ENTPD5: variants seen among roughly 807,000 people sequenced by gnomAD.
ENTPD5 encodes nucleoside diphosphate phosphatase ENTPD5.
ENTPD5 carries 49 observed loss-of-function variants against 60.2 expected under a neutral mutation model. That is an observed-to-expected ratio of 0.81 (90% confidence interval 0.65 to 1.03). ENTPD5 has a LOEUF of 1.03. Among genes scored for constraint, ENTPD5 ranks in the 50% least tolerant of loss-of-function variants. The pLI is 0.00. For missense variants in ENTPD5, 480 were observed against 507.6 expected (o/e 0.95, Z 0.52); for synonymous variants, 187 against 185.4 (o/e 1.01, Z -0.07).
At chr14:73,957,550 ACCT>A (rs2056498366), downstream of ENTPD5, among the ~76,000 whole-genome samples, 1 of 151,786 alleles carries the variant, frequency 6.6e-6, no homozygotes, top group Admixed American at 6.6e-5. Context: ...CAATCCTCTC[ACCT>A]CAGCCTCCTG....
At chr14:73,955,675 T>C (rs1735305544), downstream of ENTPD5, 3 of 1,481,454 alleles carry the variant, frequency 2.0e-6, no homozygotes, top group South Asian at 1.1e-5. Context: ...CTTCTCATTT[T>C]ATATTTTCCT....
chr14:73,961,187 C>A (rs1431190544), downstream of ENTPD5: 2 of 1,613,778 alleles, frequency 1.2e-6, no homozygotes, highest in South Asian at 2.2e-5. Flanking sequence ...GTGATGCTGA[C>A]CACACGGACT....
At chr14:74,001,376 C>CCTATA (rs1239219597) in intron 3 of ENTPD5, among the ~76,000 whole-genome samples, 1 of 151,742 alleles carries the variant, frequency 6.6e-6, no homozygotes, top group Non-Finnish European at 1.5e-5. Flanking sequence ...ATGGCGGGTG[C>CCTATA]CTATAGTCCC....
At position 73,977,284 on chromosome 14, in the gene ENTPD5, C is replaced by A; in HGVS notation, c.517+15G>T. ...GCCCCTCTCCCCCTGGAACGCATAT[C>A]AACACCTCTCCCACCTTCGTCGGAT... On this transcript the variant is annotated intron_variant, in intron 7 of 15. Coordinates refer to ENST00000334696, the MANE Select transcript of ENTPD5 (RefSeq NM_001249.5). 1.2e-6 allele frequency: 2 copies of A among 1,602,286 alleles called. No individual in the cohort carries two copies. The highest frequency in any genetic ancestry group is 2.2e-5 in the South Asian group (2 of 90,180).
At chr14:73,969,938 G>T in intron 15 of ENTPD5, 72 bp downstream of exon 15, 2 of 1,075,304 alleles carry the variant, frequency 1.9e-6, no homozygotes, top group South Asian at 1.3e-5. Flanking sequence ...TCTGATTACT[G>T]AACAAGCTCT....
rs767911558 is a variant in ENTPD5, at chr14:73,965,590, G to A, written c.*1338C>T. On this transcript the variant is annotated 3_prime_UTR_variant, in exon 16 of 16. Transcript: ENST00000334696. ...ATACAAAAATTAGCCAGGAATGGTG[G>A]TGGGCACCTGTAATCCCAGCTCTTC... The A allele has an allele frequency of 6.6e-6, 1 of 152,212 alleles. No homozygotes were observed. The highest frequency in any genetic ancestry group is 2.4e-5 in the African/African-American group (1 of 41,420). The allele number at this position is 152,212 out of a possible 1,614,324, so 9.4% of individuals were successfully genotyped here.
At chr14:74,007,389 C>T (rs1377175921) in intron 3 of ENTPD5, among the ~76,000 whole-genome samples, 2 of 152,034 alleles carry the variant, frequency 1.3e-5, no homozygotes, top group African/African-American at 4.8e-5. Flanking sequence ...GGCATGCTGG[C>T]GCATGCCTGT....
Position 73,965,892 on chromosome 14 carries a change from G to A in ENTPD5, c.*1036C>T, listed in dbSNP as rs185940828. The A allele has an allele frequency of 1.3e-5, 2 of 152,354 alleles. No individual in the cohort carries two copies. The highest frequency in any genetic ancestry group is 1.3e-4 in the Admixed American group (2 of 15,292). The allele number at this position is 152,354 out of a possible 1,614,324, so 9.4% of individuals were successfully genotyped here. On this transcript the variant is annotated 3_prime_UTR_variant, in exon 16 of 16. Coordinates refer to ENST00000334696, the MANE Select transcript of ENTPD5 (RefSeq NM_001249.5). ...GCCAACCAAATCCAAGTGGGGTTTT[G>A]TCAGGAACGGTATTGGAAACTCTGA...
downstream of ENTPD5, chr14:73,960,313 G>A (rs2056655819): frequency 2.0e-6 from 2 of 985,902 alleles, no homozygotes; most frequent in African/African-American, 3.5e-5. Context: ...TAAAATCCAT[G>A]GAACATCTTT....
chr14:73,989,559 C>T lies in ENTPD5; in HGVS notation c.-70-1387G>A, dbSNP rs183133881. ...CTAAAAATACAAAAATTAGGCCAGG[C>T]GCGGTGGCTCATGCCTGTAATCCCA... On this transcript the variant is annotated intron_variant, in intron 3 of 15. Coordinates refer to ENST00000334696, the MANE Select transcript of ENTPD5 (RefSeq NM_001249.5). 6.8e-4 allele frequency among the ~76,000 whole-genome samples: 100 copies of T among 148,126 alleles called. 1 individual carries two copies. The highest frequency in any genetic ancestry group is 2.2e-3 in the African/African-American group (87 of 39,362).
chr14:73,980,546 G>A (rs1398189439), intron 6 of ENTPD5, among the ~76,000 whole-genome samples: 4 of 152,156 alleles, frequency 2.6e-5, no homozygotes, highest in Admixed American at 6.6e-5. Context: ...TTTTGGGCAT[G>A]AGCTACCACA....
intron 3 of ENTPD5, among the ~76,000 whole-genome samples, chr14:73,988,858 C>T (rs1308722564): frequency 6.6e-6 from 1 of 152,116 alleles, no homozygotes; most frequent in Non-Finnish European, 1.5e-5. Context: ...GACTCTCACT[C>T]TGTCGCCCAG....
Position 73,987,567 on chromosome 14 carries a change from G to C in ENTPD5, c.217+319C>G, listed in dbSNP as rs907054368. ...ACAAGCCTGTAGTCTCAACAACTCA[G>C]GGGGCTGAGGTGGAAGGACTGCTTG... On this transcript the variant is annotated intron_variant, in intron 4 of 15. Coordinates refer to ENST00000334696, the MANE Select transcript of ENTPD5 (RefSeq NM_001249.5). 2.6e-5 allele frequency among the ~76,000 whole-genome samples: 4 copies of C among 152,102 alleles called. No homozygotes were observed. The East Asian group carries it at 7.7e-4, about 29-fold the overall frequency.
downstream of ENTPD5, chr14:73,955,814 G>A (rs377529207): frequency 6.1e-5 from 98 of 1,614,092 alleles, no homozygotes; most frequent in South Asian, 8.6e-4. Flanking sequence ...GGTGTGGGAC[G>A]CCTGCTCAGA....
chr14:73,961,336 A>G (rs2056721032), downstream of ENTPD5: 1 of 1,614,090 alleles, frequency 6.2e-7, no homozygotes, highest in Non-Finnish European at 8.5e-7. Flanking sequence ...GGGTTGGGAC[A>G]TGCTGCTGAG....
downstream of ENTPD5, chr14:73,962,709 T>C (rs980507399): frequency 2.9e-5 from 10 of 342,434 alleles, no homozygotes; most frequent in African/African-American, 1.9e-4. Context: ...CAGCACTTTA[T>C]AGGAGGCTGG....
chr14:74,007,377 T>C (rs565958707), intron 3 of ENTPD5, among the ~76,000 whole-genome samples: 77 of 152,186 alleles, frequency 5.1e-4, no homozygotes, highest in African/African-American at 1.8e-3. Flanking sequence ...AAAAATTAGC[T>C]GGGCATGCTG....
intron 12 of ENTPD5, among the ~76,000 whole-genome samples, chr14:73,973,244 T>G (rs2057305842): frequency 1.3e-5 from 2 of 152,230 alleles, no homozygotes; most frequent in Non-Finnish European, 2.9e-5. Context: ...CTAATCTGTA[T>G]TCACCAGATC....
At chr14:74,009,794 T>G (rs967883919) in intron 3 of ENTPD5, among the ~76,000 whole-genome samples, 21 of 104,130 alleles carry the variant, frequency 2.0e-4, no homozygotes, top group Non-Finnish European at 2.9e-4. Flanking sequence ...ATGTTTTCGA[T>G]TTTTTTTTTT....
Sources: gnomAD v4.1 joint callset for allele counts (sites outside exome capture counted in the v4.1 genomes callset) on GRCh38, gnomAD v4.1.1 for gene constraint, MANE v1.5 for transcripts, NCBI Gene and HGNC (gene_info 2026-07-23, HGNC 2026-07-21) for gene names.